Variants in ATR observed in about 807,000 individuals in gnomAD.
ATR encodes ATR checkpoint kinase, also known as serine/threonine-protein kinase ATR.
ATR carries 142 observed loss-of-function variants against 305.3 expected under a neutral mutation model. The observed-to-expected ratio is 0.47, with a 90% CI of 0.41 to 0.53. ATR has a LOEUF of 0.53. ATR is among the 20% of genes least tolerant of loss of function. The pLI, the probability that ATR is intolerant of heterozygous loss-of-function variation, is 0.00. For missense variants in ATR, 2,135 were observed against 3,133.1 expected, an observed-to-expected ratio of 0.68 and a Z score of 7.60; for synonymous variants, 1,050 against 1,068.1, an observed-to-expected ratio of 0.98 and a Z score of 0.33.
At position 142,550,187 on chromosome 3, in the gene ATR, G is replaced by A. The variant is rs771161299; in HGVS notation, c.2921C>T (p.Thr974Met). 30 of 1,614,024 alleles carry A rather than the reference G, an allele frequency of 1.9e-5. No individual in the cohort carries two copies. The highest frequency in any genetic ancestry group is 2.3e-5 in the Non-Finnish European group (27 of 1,180,032). ...GAAAACGTTGGCAATTTCAGACAAC[G>A]TATTTAAAGCCATTTCTCTCTGGTG... ...VAHQREMALN[T>M]LSEIANVFDF... is the part of the protein sequence containing the mutation. Residue 974 changes from threonine (T) to methionine (M), a missense_variant, in exon 14 of 47, where the codon ACG (threonine) becomes ATG (methionine). Physicochemically the swap from Thr to Met is moderately conservative, Grantham distance 81 (BLOSUM62 -1). Coordinates refer to ENST00000350721, the MANE Select transcript of ATR (RefSeq NM_001184.4).
chr3:142,573,556 C>G (rs149252473), intron 1 of ATR, among the ~76,000 whole-genome samples: 240 of 142,458 alleles, frequency 1.7e-3, no homozygotes, highest in African/African-American at 6.1e-3. Context: ...CATATGAAAG[C>G]AAAACAACTT....
intron 25 of ATR, 151 bp from the exon 26 acceptor site, chr3:142,513,789 T>A: frequency 1.2e-6 from 1 of 866,290 alleles, no homozygotes; most frequent in Non-Finnish European, 1.7e-6. Context: ...TATTTGGGGT[T>A]AAAGTCAAAT....
At chr3:142,455,837 C>T (rs2070893657) in intron 45 of ATR, among the ~76,000 whole-genome samples, 1 of 152,168 alleles carries the variant, frequency 6.6e-6, no homozygotes, top group Non-Finnish European at 1.5e-5. Context: ...GGAATAGTTT[C>T]TTAGATATGA....
chr3:142,513,473 A>G (rs1248210697), intron 26 of ATR, 28 bp downstream of exon 26: 1 of 1,611,752 alleles, frequency 6.2e-7, no homozygotes, highest in Admixed American at 1.7e-5. Context: ...TCACATGTTC[A>G]AAAACCAAGT....
At chr3:142,528,232 G>C (rs748580608) in intron 21 of ATR, among the ~76,000 whole-genome samples, 3 of 152,142 alleles carry the variant, frequency 2.0e-5, no homozygotes, top group Non-Finnish European at 2.9e-5. Context: ...ATTCACAATA[G>C]CTACTTTATT....
chr3:142,493,162 A>G lies in ATR; in HGVS notation c.6048T>C (p.Phe2016=), dbSNP rs1466469506. 6.2e-7 allele frequency: 1 copy of G among 1,613,404 alleles called. No individual in the cohort carries two copies. Among genetic ancestry groups the G allele is most frequent in the African/African-American group, 1.3e-5 (1 of 74,904 alleles). ...VGRFMEETAN[F]ESNAIMKKYK... is the part of the protein sequence containing the mutation. ...ATTTTTTCATAATTGCATTGCTTTCAAAGTTAGCTGTTTCTTCCATAAATC... is the reference window on the plus strand; with the variant it reads ...ATTTTTTCATAATTGCATTGCTTTCGAAGTTAGCTGTTTCTTCCATAAATC... The change falls in exon 35 of 47, where the codon TTT becomes TTC. Residue 2016 remains phenylalanine (F), a synonymous_variant. Coordinates refer to ENST00000350721, the MANE Select transcript of ATR (RefSeq NM_001184.4).
chr3:142,480,925 G>C (rs1405613070), intron 36 of ATR, among the ~76,000 whole-genome samples: 1 of 152,242 alleles, frequency 6.6e-6, no homozygotes, highest in Non-Finnish European at 1.5e-5. Context: ...TGTTTGCTAA[G>C]ACCATTGGAA....
intron 1 of ATR, among the ~76,000 whole-genome samples, chr3:142,569,566 C>T (rs1490334847): frequency 2.0e-5 from 3 of 152,258 alleles, no homozygotes; most frequent in Middle Eastern, 6.8e-3. Context: ...AAGCGATCTG[C>T]CTGCTTTGAC....
chr3:142,493,892 C>T (rs1186324798), intron 34 of ATR, among the ~76,000 whole-genome samples: 1 of 148,812 alleles, frequency 6.7e-6, no homozygotes, highest in Non-Finnish European at 1.5e-5. Flanking sequence ...GAAAGCTAGG[C>T]ATGATGGCTT....
intron 36 of ATR, among the ~76,000 whole-genome samples, chr3:142,477,119 T>A (rs1278144743): frequency 6.6e-6 from 1 of 152,214 alleles, no homozygotes; most frequent in Non-Finnish European, 1.5e-5. Context: ...TGGCCAGAAC[T>A]TCCAACACTA....
At chr3:142,485,826 A>C (rs1327961515) in intron 35 of ATR, among the ~76,000 whole-genome samples, 2 of 152,248 alleles carry the variant, frequency 1.3e-5, no homozygotes, top group Admixed American at 6.5e-5. Context: ...CAGGCTTCTA[A>C]AAAGGATTCT....
intron 34 of ATR, among the ~76,000 whole-genome samples, chr3:142,495,233 A>G (rs2031513973): frequency 6.6e-6 from 1 of 152,236 alleles, no homozygotes; most frequent in Admixed American, 6.5e-5. Flanking sequence ...TAAAATGACC[A>G]GGTACTGACT....
intron 36 of ATR, among the ~76,000 whole-genome samples, chr3:142,473,746 G>A (rs143076342): frequency 0.012 from 1,821 of 151,450 alleles, 22 homozygotes; most frequent in African/African-American, 0.032. Context: ...GGGTTTCACC[G>A]TGTTGCCCTG....
intron 21 of ATR, among the ~76,000 whole-genome samples, chr3:142,531,616 T>C (rs1559969321): frequency 6.6e-6 from 1 of 152,234 alleles, no homozygotes; most frequent in Non-Finnish European, 1.5e-5. Context: ...TAGTATTCCA[T>C]GGGGTATATG....
chr3:142,528,879 A>ATATATATATATAT (rs1215767510), intron 21 of ATR, among the ~76,000 whole-genome samples: 4 of 30,486 alleles, frequency 1.3e-4, no homozygotes, highest in Non-Finnish European at 2.0e-4. Flanking sequence ...ATATATATAT[A>ATATATATATATAT]TTTTTTTTTT....
chr3:142,497,767 A>C (rs1047855206), intron 32 of ATR, among the ~76,000 whole-genome samples: 4 of 152,200 alleles, frequency 2.6e-5, no homozygotes, highest in Non-Finnish European at 5.9e-5. Context: ...TTATAAACCA[A>C]CATGAGGTAT....
intron 36 of ATR, among the ~76,000 whole-genome samples, chr3:142,478,453 G>A (rs1316886702): frequency 6.6e-6 from 1 of 152,204 alleles, no homozygotes; most frequent in African/African-American, 2.4e-5. Context: ...TGGTCTGAGA[G>A]ACAGTTTGTT....
intron 45 of ATR, among the ~76,000 whole-genome samples, chr3:142,456,870 C>G (rs1335806751): frequency 1.3e-5 from 2 of 152,194 alleles, no homozygotes; most frequent in African/African-American, 4.8e-5. Context: ...TAAAGTGTTA[C>G]AACTGCTTTG....
Position 142,528,879 on chromosome 3 carries a change from A to ATTTT in ATR, c.3946-4684_3946-4681dup, listed in dbSNP as rs1170239080. Among the ~76,000 whole-genome samples, 81 of 30,472 alleles carry ATTTT rather than the reference A, an allele frequency of 2.7e-3. 8 individuals are homozygous for ATTTT. Among genetic ancestry groups the ATTTT allele is most frequent in the Admixed American group, 4.4e-3 (8 of 1,836 alleles). 20.0% of individuals were successfully genotyped at this position (30,472 alleles called of 152,430 possible). A position where few individuals can be genotyped will look rare whatever the true frequency, so the allele number is the denominator to read the frequency against. ...CATATATATATATATATATATATAT[A>ATTTT]TTTTTTTTTTTTTTTTTTTTTTGAG... is the stretch of plus-strand genomic sequence containing the variant. On this transcript the variant is annotated intron_variant, in intron 21 of 46. Coordinates refer to ENST00000350721, the MANE Select transcript of ATR (RefSeq NM_001184.4).
Sources: allele counts gnomAD v4.1 joint callset (sites outside exome capture counted in the v4.1 genomes callset), GRCh38; gene constraint gnomAD v4.1.1; transcripts MANE v1.5; gene names NCBI Gene and HGNC (gene_info 2026-07-23, HGNC 2026-07-21).